The following KIAA1328 variants were observed in gnomAD, a reference collection of about 807,000 sequenced individuals.
KIAA1328 encodes protein hinderin.
Under a neutral mutation model 68.1 loss-of-function variants are expected in KIAA1328, and 52 were observed. The ratio of observed to expected loss-of-function variants is 0.76; its 90% CI spans 0.61 to 0.96. The LOEUF (loss-of-function observed/expected upper bound fraction) is 0.96. Among genes scored for constraint, KIAA1328 ranks in the 40% least tolerant of loss-of-function variants. KIAA1328 has a pLI of 0.00. For synonymous variants in KIAA1328, 232 were observed against 239.4 expected (o/e 0.97, Z 0.28); for missense variants, 641 against 677.6 (o/e 0.95, Z 0.60).
chr18:36,933,096 A>T (rs932967848), intron 5 of KIAA1328, among the ~76,000 whole-genome samples: 1 of 152,160 alleles, frequency 6.6e-6, no homozygotes, highest in East Asian at 1.9e-4. Context: ...TTCAACACAC[A>T]TATATAGGAC....
In KIAA1328 at chr18:37,224,075, G is replaced by A. The variant is rs1599642688; in HGVS notation, c.*1848G>A. On this transcript the variant is annotated 3_prime_UTR_variant, in exon 10 of 10. Transcript: ENST00000280020. ...CAGAAATGGGTGGATGGCAAACTAA[G>A]AGCCCTCAGCCATTTTTTCAGTTAA... 1.0e-6 allele frequency: 1 copy of A among 985,366 alleles called. No homozygotes were observed. The highest frequency in any genetic ancestry group is 1.1e-4 in the East Asian group (1 of 8,816). 61.0% of individuals were successfully genotyped at this position (985,366 alleles called of 1,614,324 possible).
intron 9 of KIAA1328, among the ~76,000 whole-genome samples, chr18:37,175,080 T>C (rs2059574203): frequency 6.6e-6 from 1 of 152,230 alleles, no homozygotes; most frequent in Non-Finnish European, 1.5e-5. Flanking sequence ...CTTAACGTTG[T>C]GGCTGAAAGC....
At chr18:37,106,958 T>C (rs1360541992) in intron 7 of KIAA1328, among the ~76,000 whole-genome samples, 2 of 152,170 alleles carry the variant, frequency 1.3e-5, no homozygotes, top group Admixed American at 6.5e-5. Flanking sequence ...AAAACTGAAT[T>C]CTTGGCCAGG....
intron 5 of KIAA1328, among the ~76,000 whole-genome samples, chr18:36,914,771 A>T (rs1264872935): frequency 2.0e-5 from 3 of 152,160 alleles, no homozygotes; most frequent in Non-Finnish European, 1.5e-5. Context: ...TAAGAAAAAC[A>T]TACAAATATC....
intron 6 of KIAA1328, among the ~76,000 whole-genome samples, chr18:36,981,453 A>C (rs1442130245): frequency 1.3e-5 from 2 of 152,246 alleles, no homozygotes; most frequent in East Asian, 3.9e-4. Flanking sequence ...ATCCCCATAC[A>C]GGAGAATAAT....
chr18:37,144,627 C>T (rs188616293), intron 7 of KIAA1328, among the ~76,000 whole-genome samples: 4 of 152,252 alleles, frequency 2.6e-5, no homozygotes. Context: ...TCGCCTGACT[C>T]AGGTGGTCCT....
chr18:36,982,762 G>A (rs576755241), intron 6 of KIAA1328, among the ~76,000 whole-genome samples: 3 of 151,926 alleles, frequency 2.0e-5, no homozygotes, highest in South Asian at 4.1e-4. Context: ...CATTTTAAAT[G>A]TAAATGCCTC....
chr18:37,122,691 C>T (rs1259873519), intron 7 of KIAA1328, among the ~76,000 whole-genome samples: 2 of 151,962 alleles, frequency 1.3e-5, no homozygotes, highest in Non-Finnish European at 2.9e-5. Context: ...AAGGGTATTT[C>T]CATGTGGTAT....
chr18:37,163,651 G>T (rs2059328272), intron 8 of KIAA1328, among the ~76,000 whole-genome samples: 1 of 152,128 alleles, frequency 6.6e-6, no homozygotes, highest in South Asian at 2.1e-4. Context: ...TGCTTAAAAT[G>T]ATGTGAGTAC....
At chr18:36,944,837 A>G (rs1281269381) in intron 5 of KIAA1328, among the ~76,000 whole-genome samples, 1 of 152,230 alleles carries the variant, frequency 6.6e-6, no homozygotes, top group Non-Finnish European at 1.5e-5. Context: ...AATAGATTAA[A>G]GAATACTTGT....
chr18:37,008,062 C>T (rs2053844839), intron 6 of KIAA1328, among the ~76,000 whole-genome samples: 1 of 152,132 alleles, frequency 6.6e-6, no homozygotes, highest in Non-Finnish European at 1.5e-5. Flanking sequence ...GCTTAGCATT[C>T]CAAAGAGTTT....
intron 5 of KIAA1328, among the ~76,000 whole-genome samples, chr18:36,956,166 T>C (rs1225762085): frequency 6.6e-6 from 1 of 152,244 alleles, no homozygotes; most frequent in Non-Finnish European, 1.5e-5. Context: ...CCATTTCAGC[T>C]AATTAATGTG....
chr18:36,844,204 TA>T lies in KIAA1328; in HGVS notation c.238-2del. The T allele has an allele frequency of 6.4e-7, 1 of 1,567,156 alleles. No individual in the cohort carries two copies. Among genetic ancestry groups the T allele is most frequent in the Admixed American group, 2.0e-5 (1 of 49,712 alleles). On this transcript the variant is annotated splice_region_variant and splice_polypyrimidine_tract_variant and intron_variant, in intron 3 of 9. Coordinates refer to ENST00000280020, the MANE Select transcript of KIAA1328 (RefSeq NM_020776.3). ...AAAGTGTAACTAAATTTTTTTTTTT[TA>T]AGAATTCCTGCAGGGGAGAAATAAA...
chr18:36,880,144 G>A (rs2048281440), intron 4 of KIAA1328, among the ~76,000 whole-genome samples: 1 of 152,148 alleles, frequency 6.6e-6, no homozygotes, highest in African/African-American at 2.4e-5. Context: ...TTTATACCCA[G>A]GGCCCTGGTG....
chr18:36,940,213 G>A (rs945598952), intron 5 of KIAA1328, among the ~76,000 whole-genome samples: 4 of 152,188 alleles, frequency 2.6e-5, no homozygotes, highest in Non-Finnish European at 4.4e-5. Flanking sequence ...TTTAGACAGT[G>A]CTTGTTAACC....
chr18:37,032,764 C>T (rs1015194638), intron 6 of KIAA1328, among the ~76,000 whole-genome samples: 3 of 152,128 alleles, frequency 2.0e-5, no homozygotes, highest in Non-Finnish European at 4.4e-5. Flanking sequence ...GCCCCAGCCT[C>T]CCGAGTAGCT....
chr18:37,071,333 A>G (rs1401583110), intron 7 of KIAA1328, among the ~76,000 whole-genome samples: 1 of 151,854 alleles, frequency 6.6e-6, no homozygotes, highest in Non-Finnish European at 1.5e-5. Flanking sequence ...TTATCCTTCC[A>G]AAGTGCTGGG....
chr18:36,987,922 G>A (rs2053012304), intron 6 of KIAA1328, among the ~76,000 whole-genome samples: 1 of 151,926 alleles, frequency 6.6e-6, no homozygotes, highest in South Asian at 2.1e-4. Flanking sequence ...CAATTGTCCA[G>A]CCCTAGTTCA....
At chr18:37,086,495 T>G (rs1001133776) in intron 7 of KIAA1328, among the ~76,000 whole-genome samples, 3 of 152,210 alleles carry the variant, frequency 2.0e-5, no homozygotes, top group Admixed American at 1.3e-4. Flanking sequence ...CCTGGAAATT[T>G]TCTCTTTTTT....
Sources: allele counts gnomAD v4.1 joint callset (sites outside exome capture counted in the v4.1 genomes callset), GRCh38; gene constraint gnomAD v4.1.1; transcripts MANE v1.5; gene names NCBI Gene and HGNC (gene_info 2026-07-23, HGNC 2026-07-21).